Variants in ATP8B3 observed in about 807,000 individuals in gnomAD.
ATP8B3 encodes the protein ATPase phospholipid transporting 8B3.
In ATP8B3, 141 loss-of-function variants were observed where a neutral mutation model predicts 140.9. The ratio of observed to expected loss-of-function variants is 1.00; its 90% CI spans 0.87 to 1.15. The LOEUF (loss-of-function observed/expected upper bound fraction) is 1.15. Ranked by LOEUF, ATP8B3 falls within the 50% of genes most tolerant of loss-of-function variation. The pLI, the probability that ATP8B3 is intolerant of heterozygous loss-of-function variation, is 0.00. For synonymous variants in ATP8B3, 765 were observed against 714.6 expected, an observed-to-expected ratio of 1.07 and a Z score of -1.13; for missense variants, 1,874 against 1,740.6, an observed-to-expected ratio of 1.08 and a Z score of -1.36.
At chr19:1,790,891 C>A in intron 20 of ATP8B3, 59 bp from the exon 21 acceptor site, 1 of 1,323,090 alleles carries the variant, frequency 7.6e-7, no homozygotes, top group Non-Finnish European at 1.0e-6. Flanking sequence ...TGCCTGGGGG[C>A]CACGCCCACT....
At chr19:1,792,657 A>T (rs752062309) in intron 18 of ATP8B3, among the ~76,000 whole-genome samples, 114 of 151,338 alleles carry the variant, frequency 7.5e-4, no homozygotes, top group Non-Finnish European at 1.5e-3. Context: ...CACACCTGTA[A>T]TCCCAGCACT....
At position 1,805,895 on chromosome 19, in the gene ATP8B3, T is replaced by A. The variant is rs2068997527; in HGVS notation, c.814A>T (p.Ile272Phe). The A allele has an allele frequency of 6.2e-7, 1 of 1,612,702 alleles. No homozygotes were observed. Among genetic ancestry groups the A allele is most frequent in the Admixed American group, 1.7e-5 (1 of 59,992 alleles). ...GATGCCACAGCTCCTCACCCGTCAA[T>A]GTCCACCGTCTCCACATAGCACAGG... Reference protein sequence around the residue: ...SSLCYVETVDIDGETNLKFRQ... With the variant: ...SSLCYVETVDFDGETNLKFRQ... Residue 272 changes from isoleucine to phenylalanine, a missense_variant, in exon 9 of 29, where the codon ATT (isoleucine) becomes TTT (phenylalanine). Transcript: ENST00000310127. This position sits in a 1 kb window ranked among gnomAD's most constrained non-coding sequence, Gnocchi z 5.2.
intron 14 of ATP8B3, among the ~76,000 whole-genome samples, chr19:1,797,975 T>G (rs543005029): frequency 1.3e-5 from 2 of 151,376 alleles, no homozygotes; most frequent in Admixed American, 6.6e-5. Flanking sequence ...GTGGTGTCTT[T>G]TGTGTGTGTG....
chr19:1,810,866 T>A (rs1409384885), intron 2 of ATP8B3, among the ~76,000 whole-genome samples, 183 bp from the exon 3 acceptor site: 1 of 152,030 alleles, frequency 6.6e-6, no homozygotes, highest in Non-Finnish European at 1.5e-5. Context: ...GCCTTGGACA[T>A]CCTGAGACCT....
In ATP8B3 at chr19:1,810,671, C is replaced by T; in HGVS notation, c.261G>A (p.Met87Ile). The T allele has an allele frequency of 6.2e-7, 1 of 1,612,688 alleles. No individual in the cohort carries two copies. The highest frequency in any genetic ancestry group is 8.5e-7 in the Non-Finnish European group (1 of 1,179,592). The change falls in exon 3 of 29, where the codon ATG becomes ATA. Residue 87 changes from methionine to isoleucine, a missense_variant. This residue lies in a region of ATP8B3 where 1,032 missense variants were observed against 963.6 expected (regional missense o/e 1.07). Coordinates refer to ENST00000310127, the MANE Select transcript of ATP8B3 (RefSeq NM_138813.4). ...YEWRPEGPTSMGSLGQREDLQ... is the reference protein window; with the variant it reads ...YEWRPEGPTSIGSLGQREDLQ... ...GATCTTCTCTCTGGCCGAGGCTGCC[C>T]ATGCTGGTGGGGCTGTGGGAGAGAA...
At position 1,809,744 on chromosome 19, in the gene ATP8B3, G is replaced by C; in HGVS notation, c.311-10C>G. ...ACCTTCCAGGTGAATGCTGCAGCGA[G>C]AGAGCCGGGCGTCGCTGGAGCTCGA... is the stretch of plus-strand genomic sequence containing the variant. On this transcript the variant is annotated splice_polypyrimidine_tract_variant and intron_variant, in intron 3 of 28. Transcript: ENST00000310127. 6.2e-7 allele frequency: 1 copy of C among 1,600,670 alleles called. No homozygotes were observed. The highest frequency in any genetic ancestry group is 8.5e-7 in the Non-Finnish European group (1 of 1,173,902).
chr19:1,788,976 AG>A lies in ATP8B3; in HGVS notation c.2989del (p.Leu997CysfsTer12), dbSNP rs1568621761. 9 of 1,610,208 alleles carry A rather than the reference AG, an allele frequency of 5.6e-6. No individual in the cohort carries two copies. The Admixed American group carries it at 1.3e-4, about 24-fold the overall frequency. The part of the protein sequence containing the change: ...RWSYVRICKF[L>X]RYFFYKSMAS... ...CATGCTCTTGTAGAAGAAGTAGCGC[AG>A]GAACTTGCAGATCCGCACGTAGGAC... is the stretch of plus-strand genomic sequence containing the variant. On this transcript the variant is annotated frameshift_variant, in exon 24 of 29. Coordinates refer to ENST00000310127, the MANE Select transcript of ATP8B3 (RefSeq NM_138813.4). LOFTEE classifies it high-confidence loss of function.
intron 14 of ATP8B3, chr19:1,798,663 G>T (rs983428432): frequency 6.6e-6 from 1 of 151,812 alleles, no homozygotes; most frequent in Non-Finnish European, 1.5e-5. Context: ...GCGTGAACCC[G>T]GGAAGTGGAG....
At chr19:1,809,588 C>T (rs1041628910) in intron 4 of ATP8B3, 55 bp downstream of exon 4, 151 of 1,482,714 alleles carry the variant, frequency 1.0e-4, no homozygotes, top group East Asian at 4.8e-5. Flanking sequence ...ATAGATTCCC[C>T]GAGGGTACCA....
At position 1,806,248 on chromosome 19, in the gene ATP8B3, G is replaced by A. The variant is rs1600476100; in HGVS notation, c.678-79C>T. ...CACCGGGAGACCAGAGGCACGGGAT[G>A]ACGGGGGGCCCGCAGCTGCAGTCCC... On this transcript the variant is annotated intron_variant, in intron 7 of 28. Transcript: ENST00000310127. The surrounding 1 kb of genome is among the most constrained non-coding windows in gnomAD (Gnocchi z 5.6). 6.5e-7 allele frequency: 1 copy of A among 1,536,414 alleles called. No individual in the cohort carries two copies. Among genetic ancestry groups the A allele is most frequent in the East Asian group, 2.5e-5 (1 of 40,776 alleles).
chr19:1,805,127 C>T lies in ATP8B3; in HGVS notation c.904+247G>A. The T allele has an allele frequency of 6.3e-6, 3 of 474,326 alleles. No individual in the cohort carries two copies. Among genetic ancestry groups the T allele is most frequent in the Non-Finnish European group, 3.9e-6 (1 of 255,348 alleles). 29.4% of individuals were successfully genotyped at this position (474,326 alleles called of 1,614,324 possible). A position where few individuals can be genotyped will look rare whatever the true frequency, so the allele number is the denominator to read the frequency against. On this transcript the variant is annotated intron_variant, in intron 10 of 28. Coordinates refer to ENST00000310127, the MANE Select transcript of ATP8B3 (RefSeq NM_138813.4). The surrounding 1 kb of genome is among the most constrained non-coding windows in gnomAD (Gnocchi z 5.2). ...AGTAGCTGGGACCACCGGCATGTGCCACCACGCCCAGCTACTTGTTTTATT... is the reference window on the plus strand; with the variant it reads ...AGTAGCTGGGACCACCGGCATGTGCTACCACGCCCAGCTACTTGTTTTATT...
chr19:1,785,740 TGGGGGGC>T, intron 25 of ATP8B3, 32 bp from the exon 26 acceptor site: 2 of 959,754 alleles, frequency 2.1e-6, no homozygotes, highest in East Asian at 4.0e-5. Context: ...TGGGATTGGG[TGGGGGGC>T]GGGGGACACC....
In ATP8B3 at chr19:1,791,845, G is replaced by T. The variant is rs749142090; in HGVS notation, c.2207C>A (p.Ala736Asp). 6 of 1,611,146 alleles carry T rather than the reference G, an allele frequency of 3.7e-6. No individual in the cohort carries two copies. In the Admixed American group the frequency reaches 1.0e-4, roughly 27 times the overall value. The change falls in exon 20 of 29, where the codon GCC becomes GAC. Residue 736 changes from alanine to aspartate, a missense_variant. Ala to Asp is a moderately radical substitution (Grantham distance 126). Around this residue, in one of 3 missense-constraint regions of ATP8B3, gnomAD observed 840 missense variants for 760.9 expected, o/e 1.10. Transcript: ENST00000310127. Reference sequence around the variant, plus strand: ...ACCGTCCTGGAGTCTGTCCTCGATGGCTGTGGCTCCCAGCAGCTGGTGGGG... The same window carrying T: ...ACCGTCCTGGAGTCTGTCCTCGATGTCTGTGGCTCCCAGCAGCTGGTGGGG... Reference protein sequence around the residue: ...QALQQLLGATAIEDRLQDGVP... With the variant: ...QALQQLLGATDIEDRLQDGVP...
rs768991034 is a variant in ATP8B3 at position 1,789,014 on chromosome 19, C to T, written c.2952G>A (p.Val984=). The T allele has an allele frequency of 9.3e-6, 15 of 1,609,874 alleles. No homozygotes were observed. Among genetic ancestry groups the T allele is most frequent in the Non-Finnish European group, 1.3e-5 (15 of 1,178,710 alleles). The change falls in exon 24 of 29, where the codon GTG becomes GTA. Residue 984 remains valine, a synonymous_variant. Coordinates refer to ENST00000310127, the MANE Select transcript of ATP8B3 (RefSeq NM_138813.4). ...QFCFLQRLLL[V]HGRWSYVRIC... is the part of the protein sequence containing the mutation. ...TCCGCACGTAGGACCAGCGGCCGTGCACCAGCAGGAGGCGCTGCAGGAAGC... is the reference window on the plus strand; with the variant it reads ...TCCGCACGTAGGACCAGCGGCCGTGTACCAGCAGGAGGCGCTGCAGGAAGC...
chr19:1,799,117 T>G (rs1263386067), intron 14 of ATP8B3: 1 of 152,000 alleles, frequency 6.6e-6, no homozygotes, highest in Non-Finnish European at 1.5e-5. Flanking sequence ...CATTCCAGCC[T>G]GGGCGGCAGA....
In ATP8B3 at chr19:1,790,121, C is replaced by T. The variant is rs539682944; in HGVS notation, c.2379-132G>A. The T allele has an allele frequency of 3.3e-5, 21 of 642,086 alleles. No individual in the cohort carries two copies. The South Asian group carries it at 3.8e-4, about 12-fold the overall frequency. The allele number at this position is 642,086 out of a possible 1,614,324, so 39.8% of individuals were successfully genotyped here. ...CCTGCCCCTTCTCCTCCCCACTTCC[C>T]TCTTCCCCTCCCCTTTCCTCCTCCT... On this transcript the variant is annotated intron_variant, in intron 21 of 28. Transcript: ENST00000310127.
At chr19:1,797,066 G>C in intron 14 of ATP8B3, 61 bp from the exon 15 acceptor site, 3 of 1,609,160 alleles carry the variant, frequency 1.9e-6, no homozygotes, top group Non-Finnish European at 2.5e-6. Flanking sequence ...GGATCCCATA[G>C]CCCCTGACCC....
Position 1,785,418 on chromosome 19 carries a change from G to A in ATP8B3, c.3393+51C>T, listed in dbSNP as rs1264443877. 15 of 1,589,794 alleles carry A rather than the reference G, an allele frequency of 9.4e-6. No homozygotes were observed. The East Asian group carries it at 2.9e-4, about 31-fold the overall frequency. On this transcript the variant is annotated intron_variant, in intron 26 of 28. Transcript: ENST00000310127. ...CAAAGCAGGGGTCCCCAGGGGAGGAGGCCTCCATAGGCCATGTCCAAGGCC... is the reference window on the plus strand; with the variant it reads ...CAAAGCAGGGGTCCCCAGGGGAGGAAGCCTCCATAGGCCATGTCCAAGGCC...
intron 28 of ATP8B3, among the ~76,000 whole-genome samples, chr19:1,783,902 A>T (rs1568613005): frequency 6.6e-6 from 1 of 152,214 alleles, no homozygotes; most frequent in East Asian, 1.9e-4. Flanking sequence ...GGCAAAAATC[A>T]TAGCTCACTG....
Sources: gnomAD v4.1 joint callset for allele counts (sites outside exome capture counted in the v4.1 genomes callset) on GRCh38, gnomAD v4.1.1 for gene constraint, gnomAD v4.1.1 regional missense constraint, Gnocchi (gnomAD v3.1) non-coding constraint, MANE v1.5 for transcripts, NCBI Gene and HGNC (gene_info 2026-07-23, HGNC 2026-07-21) for gene names.